Variants in ZC3H18 observed in about 807,000 individuals in gnomAD.
ZC3H18 encodes zinc finger CCCH domain-containing protein 18.
ZC3H18 carries 8 observed loss-of-function variants against 106.1 expected under a neutral mutation model. The ratio of observed to expected loss-of-function variants is 0.08; its 90% CI spans 0.04 to 0.14. The LOEUF (loss-of-function observed/expected upper bound fraction) is 0.14. Ranked by LOEUF, ZC3H18 falls within the 10% of genes least tolerant of loss-of-function variation. The probability of loss-of-function intolerance (pLI) is 1.00; values close to 1 mark genes in which losing one functional copy is unlikely to be tolerated. For synonymous variants in ZC3H18, 635 were observed against 522.1 expected (o/e 1.22, Z -2.95); for missense variants, 1,318 against 1,278.4 (o/e 1.03, Z -0.47).
At chr16:88,578,270 T>C (rs996220378) in intron 2 of ZC3H18, among the ~76,000 whole-genome samples, 3 of 152,164 alleles carry the variant, frequency 2.0e-5, no homozygotes, top group Admixed American at 2.0e-4. Flanking sequence ...GAAAAGACTG[T>C]GGTGGGCACC....
chr16:88,571,801 G>T (rs1252186504), intron 1 of ZC3H18: 1 of 384,736 alleles, frequency 2.6e-6, no homozygotes, highest in Non-Finnish European at 3.6e-6. Context: ...TGCACGTGGG[G>T]TCTGTCACCA....
intron 2 of ZC3H18, among the ~76,000 whole-genome samples, chr16:88,579,375 G>A (rs1409374370): frequency 2.0e-5 from 3 of 152,154 alleles, no homozygotes; most frequent in Non-Finnish European, 4.4e-5. Context: ...TGGGAGTGCA[G>A]CAGGTCCTGC....
At position 88,577,525 on chromosome 16, in the gene ZC3H18, T is replaced by C. The variant is rs757838978; in HGVS notation, c.402T>C (p.Val134=). The change falls in exon 2 of 18, where the codon GTT becomes GTC. Residue 134 remains valine (V), a synonymous_variant. Coordinates refer to ENST00000301011, the MANE Select transcript of ZC3H18 (RefSeq NM_144604.4). ...ATGAGCTAGACTACGATGAGGAGGT[T>C]CCTGAGGAGCCAGCTCCCGCCGTCC... is the stretch of plus-strand genomic sequence containing the variant. ...DEHELDYDEE[V]PEEPAPAVQE... is the part of the protein sequence containing the mutation. The C allele has an allele frequency of 6.2e-7, 1 of 1,613,056 alleles. No homozygotes were observed. Among genetic ancestry groups the C allele is most frequent in the East Asian group, 2.2e-5 (1 of 44,858 alleles).
intron 2 of ZC3H18, among the ~76,000 whole-genome samples, chr16:88,585,661 A>T (rs1425443380): frequency 6.6e-6 from 1 of 152,094 alleles, no homozygotes; most frequent in Admixed American, 6.5e-5. Flanking sequence ...CAGGCCTGGA[A>T]CTGGAAAAGG....
chr16:88,586,755 C>T (rs1041376323), intron 3 of ZC3H18, 71 bp downstream of exon 3: 5 of 1,271,510 alleles, frequency 3.9e-6, no homozygotes, highest in Non-Finnish European at 5.7e-6. Context: ...GGTGCTGGCT[C>T]ACCTTGCCAG....
chr16:88,575,460 C>G (rs1914689688), intron 1 of ZC3H18, among the ~76,000 whole-genome samples: 1 of 151,992 alleles, frequency 6.6e-6, no homozygotes, highest in Admixed American at 6.6e-5. Context: ...GCTGACCTGG[C>G]ACTGTCCCTG....
intron 6 of ZC3H18, among the ~76,000 whole-genome samples, chr16:88,604,796 A>G (rs566015690): frequency 7.2e-5 from 11 of 152,338 alleles, no homozygotes; most frequent in South Asian, 6.2e-4. Context: ...AAGGGCCTCT[A>G]GTGCGCACAG....
chr16:88,586,720 C>G lies in ZC3H18; in HGVS notation c.688+36C>G, dbSNP rs201607287. The G allele has an allele frequency of 2.7e-5, 43 of 1,583,476 alleles. No homozygotes were observed. In the Admixed American group the frequency reaches 6.8e-4, roughly 25 times the overall value. ...GCGTGTGAGGCCTTCTCGCAGCCAG[C>G]TGGGGCCCCACCTTCTGGGGCTGTG... On this transcript the variant is annotated intron_variant, in intron 3 of 17. Coordinates refer to ENST00000301011, the MANE Select transcript of ZC3H18 (RefSeq NM_144604.4).
chr16:88,607,536 G>T (rs140866692), intron 6 of ZC3H18, among the ~76,000 whole-genome samples: 9 of 152,068 alleles, frequency 5.9e-5, no homozygotes, highest in African/African-American at 2.2e-4. Flanking sequence ...ATTCATGCAC[G>T]CTTTGTGTCA....
chr16:88,586,828 T>TGGG, intron 3 of ZC3H18, 144 bp downstream of exon 3: 4 of 577,252 alleles, frequency 6.9e-6, no homozygotes, highest in Non-Finnish European at 1.3e-5. Flanking sequence ...GTGGTGGTGG[T>TGGG]GGTGGTGGTG....
intron 6 of ZC3H18, among the ~76,000 whole-genome samples, chr16:88,605,881 G>C (rs1018508145): frequency 3.9e-5 from 6 of 152,232 alleles, no homozygotes; most frequent in African/African-American, 1.2e-4. Flanking sequence ...GTTCCCCTTA[G>C]CCAGGACCTC....
chr16:88,593,408 G>A (rs2142636841), intron 3 of ZC3H18, among the ~76,000 whole-genome samples: 1 of 152,350 alleles, frequency 6.6e-6, no homozygotes, highest in East Asian at 1.9e-4. Flanking sequence ...GTGGGGCAGA[G>A]GAGGTCGGCA....
intron 2 of ZC3H18, among the ~76,000 whole-genome samples, chr16:88,584,871 C>G (rs1176253326): frequency 2.0e-5 from 3 of 152,114 alleles, no homozygotes; most frequent in Non-Finnish European, 4.4e-5. Context: ...GGGAAAAACC[C>G]TTCTCACCAC....
At chr16:88,622,415 G>A (rs1906023613) in intron 9 of ZC3H18, 27 bp downstream of exon 9, 3 of 1,574,942 alleles carry the variant, frequency 1.9e-6, no homozygotes. Context: ...GGACGGCTGG[G>A]GTGTCAGCAC....
chr16:88,619,480 G>T (rs1008830062), intron 8 of ZC3H18, among the ~76,000 whole-genome samples: 19 of 152,122 alleles, frequency 1.2e-4, no homozygotes, highest in Admixed American at 2.0e-4. Context: ...CCCGTCCACA[G>T]CCCTGGCCCA....
intron 12 of ZC3H18, 22 bp from the exon 13 acceptor site, chr16:88,625,180 C>G (rs1906225347): frequency 6.4e-7 from 1 of 1,565,498 alleles, no homozygotes; most frequent in South Asian, 1.2e-5. Context: ...CCCCCTGAGC[C>G]CCGCTGTTGC....
chr16:88,606,789 G>A (rs1905029189), intron 6 of ZC3H18, among the ~76,000 whole-genome samples: 1 of 152,214 alleles, frequency 6.6e-6, no homozygotes, highest in African/African-American at 2.4e-5. Context: ...GTGTCCGACT[G>A]ATGGGAACGG....
At chr16:88,584,422 C>CAA (rs768791891) in intron 2 of ZC3H18, among the ~76,000 whole-genome samples, 4 of 72,714 alleles carry the variant, frequency 5.5e-5, no homozygotes, top group Non-Finnish European at 8.8e-5. Flanking sequence ...ACTCTGTCTC[C>CAA]AAAAAAAAAA....
At position 88,608,937 on chromosome 16, in the gene ZC3H18, C is replaced by G. The variant is rs750332456; in HGVS notation, c.1092C>G (p.Leu364=). The change falls in exon 7 of 18, where the codon CTC becomes CTG. Residue 364 remains leucine, a synonymous_variant. Transcript: ENST00000301011. The part of the protein sequence containing the change: ...RIPRDVRDTV[L]EPYADPYYDY... ...CTTTTTCATTGGCCCTTTTCAGACT[C>G]GAGCCTTACGCAGACCCTTATTATG... 3.5e-5 allele frequency: 56 copies of G among 1,610,404 alleles called. No individual in the cohort carries two copies. The Admixed American group carries it at 9.3e-4, about 27-fold the overall frequency.
Sources: allele counts gnomAD v4.1 joint callset (sites outside exome capture counted in the v4.1 genomes callset), GRCh38; gene constraint gnomAD v4.1.1; transcripts MANE v1.5; gene names NCBI Gene and HGNC (gene_info 2026-07-23, HGNC 2026-07-21).